Variants in SIPA1L2 observed in about 807,000 individuals in gnomAD.
The protein encoded by SIPA1L2 is signal-induced proliferation-associated 1-like protein 2.
A neutral mutation model predicts 163.9 loss-of-function variants in SIPA1L2; 56 were observed. The observed-to-expected ratio is 0.34, with a 90% CI of 0.28 to 0.43. SIPA1L2 has a LOEUF of 0.43. Ranked by LOEUF, SIPA1L2 falls within the 20% of genes least tolerant of loss-of-function variation. The pLI, the probability that SIPA1L2 is intolerant of heterozygous loss-of-function variation, is 1.00. For missense variants in SIPA1L2, 1,974 were observed against 2,193.5 expected, an observed-to-expected ratio of 0.90 and a Z score of 2.00; for synonymous variants, 877 against 865.7, an observed-to-expected ratio of 1.01 and a Z score of -0.23.
chr1:232,519,280 C>T (rs1408509889), intron 2 of SIPA1L2, among the ~76,000 whole-genome samples: 1 of 152,218 alleles, frequency 6.6e-6, no homozygotes, highest in African/African-American at 2.4e-5. Context: ...AAGGCCCATT[C>T]CCAAACATGG....
At chr1:232,558,463 C>A (rs2102737834) in intron 2 of SIPA1L2, among the ~76,000 whole-genome samples, 1 of 152,334 alleles carries the variant, frequency 6.6e-6, no homozygotes, top group South Asian at 2.1e-4. Flanking sequence ...AGACCTCTGT[C>A]TACCTTCAGG....
chr1:232,605,527 T>C (rs1212755630), intron 1 of SIPA1L2, among the ~76,000 whole-genome samples: 1 of 152,126 alleles, frequency 6.6e-6, no homozygotes, highest in East Asian at 1.9e-4. Context: ...AAACTCTGTC[T>C]CTACTAAAAA....
At chr1:232,598,097 G>C (rs1372026933) in intron 1 of SIPA1L2, among the ~76,000 whole-genome samples, 1 of 152,124 alleles carries the variant, frequency 6.6e-6, no homozygotes, top group Non-Finnish European at 1.5e-5. Context: ...CTTAGTCAAT[G>C]TTCCTTTTAA....
chr1:232,514,636 C>T lies in SIPA1L2; in HGVS notation c.704G>A (p.Arg235His), dbSNP rs767369999. The change falls in exon 3 of 23, where the codon CGC (arginine) becomes CAC (histidine). Residue 235 changes from arginine (R) to histidine (H), a missense_variant. Coordinates refer to ENST00000674635, the MANE Select transcript of SIPA1L2 (RefSeq NM_020808.5). ...GCTCGGAGAGATTGCAGGGTCACAGCGGAAAAATTCAGGGAACCCAAAAGG... is the reference window on the plus strand; with the variant it reads ...GCTCGGAGAGATTGCAGGGTCACAGTGGAAAAATTCAGGGAACCCAAAAGG... ...MVPFGFPEFF[R>H]CDPAISPSLH... The T allele has an allele frequency of 7.4e-6, 12 of 1,614,158 alleles. No homozygotes were observed. The East Asian group carries it at 1.1e-4, about 15-fold the overall frequency.
chr1:232,599,489 C>T (rs989292641), intron 1 of SIPA1L2, among the ~76,000 whole-genome samples: 7 of 152,218 alleles, frequency 4.6e-5, no homozygotes, highest in African/African-American at 1.7e-4. Flanking sequence ...CTTCTGTACG[C>T]TATCAAATCA....
intron 3 of SIPA1L2, among the ~76,000 whole-genome samples, chr1:232,508,043 A>G (rs571528575): frequency 1.3e-5 from 2 of 152,330 alleles, no homozygotes; most frequent in African/African-American, 4.8e-5. Flanking sequence ...TGACATTTAT[A>G]TACCATTTAA....
At chr1:232,534,040 C>G (rs1657151152) in intron 2 of SIPA1L2, among the ~76,000 whole-genome samples, 1 of 151,886 alleles carries the variant, frequency 6.6e-6, no homozygotes. Flanking sequence ...AAAAAACTAT[C>G]CTAAAATTCA....
intron 14 of SIPA1L2, 152 bp from the exon 15 acceptor site, chr1:232,439,648 A>G: frequency 7.1e-6 from 6 of 849,802 alleles, no homozygotes; most frequent in Non-Finnish European, 1.1e-5. Flanking sequence ...CCTTTTTCAA[A>G]AACAACCTGG....
intron 2 of SIPA1L2, among the ~76,000 whole-genome samples, chr1:232,519,534 G>A (rs533645649): frequency 2.0e-5 from 3 of 152,270 alleles, no homozygotes; most frequent in East Asian, 1.9e-4. Context: ...CATATGAAGC[G>A]AGGGCCCACA....
chr1:232,607,413 T>C (rs1257606584), intron 1 of SIPA1L2, among the ~76,000 whole-genome samples: 1 of 152,228 alleles, frequency 6.6e-6, no homozygotes, highest in Non-Finnish European at 1.5e-5. Context: ...TCAAATTTTT[T>C]CCAATTTTTA....
At chr1:232,460,102 G>A (rs1260600353) in intron 10 of SIPA1L2, among the ~76,000 whole-genome samples, 2 of 152,208 alleles carry the variant, frequency 1.3e-5, no homozygotes, top group Non-Finnish European at 2.9e-5. Flanking sequence ...AGGTGCTCTA[G>A]ATACTACCAC....
rs1664471683 is a variant in SIPA1L2 at position 232,465,594 on chromosome 1, T to C, written c.2244-178A>G. ...AACTGGTTTATTCTGCAAGTTCTTG[T>C]TCTCCTAATTGCTGCATACCCAGGG... On this transcript the variant is annotated intron_variant, in intron 8 of 22. Transcript: ENST00000674635. This position sits in a 1 kb window ranked among gnomAD's most constrained non-coding sequence, Gnocchi z 4.1. 6.6e-6 allele frequency among the ~76,000 whole-genome samples: 1 copy of C among 151,944 alleles called. No individual in the cohort carries two copies. Among genetic ancestry groups the C allele is most frequent in the Non-Finnish European group, 1.5e-5 (1 of 68,030 alleles).
chr1:232,621,110 CATG>C (rs1392091458), intron 1 of SIPA1L2, among the ~76,000 whole-genome samples: 1 of 152,320 alleles, frequency 6.6e-6, no homozygotes, highest in Admixed American at 6.5e-5. Flanking sequence ...ATGTTCTCTG[CATG>C]ATCACAGAAG....
At chr1:232,496,017 A>T (rs903182874) in intron 3 of SIPA1L2, among the ~76,000 whole-genome samples, 33 of 152,190 alleles carry the variant, frequency 2.2e-4, no homozygotes, top group African/African-American at 7.0e-4. Context: ...TATTAAGTAA[A>T]TTTTTTTATA....
intron 9 of SIPA1L2, chr1:232,462,367 A>C: frequency 6.6e-7 from 1 of 1,511,162 alleles, no homozygotes; most frequent in Non-Finnish European, 8.8e-7. Context: ...TTTCTATGAA[A>C]CATGCTCTGA....
intron 2 of SIPA1L2, among the ~76,000 whole-genome samples, chr1:232,524,218 A>C (rs766940832): frequency 6.6e-6 from 1 of 152,232 alleles, no homozygotes; most frequent in Non-Finnish European, 1.5e-5. Flanking sequence ...TGAATGAAAG[A>C]GCTTCCTAAT....
intron 1 of SIPA1L2, among the ~76,000 whole-genome samples, chr1:232,600,800 C>T (rs1661556654): frequency 6.6e-6 from 1 of 152,174 alleles, no homozygotes; most frequent in African/African-American, 2.4e-5. Context: ...TCCAGGAAAA[C>T]TCATGGAAGC....
intron 5 of SIPA1L2, among the ~76,000 whole-genome samples, chr1:232,489,057 T>C (rs1665791722): frequency 6.6e-6 from 1 of 152,176 alleles, no homozygotes; most frequent in Non-Finnish European, 1.5e-5. Context: ...CCCTGAGGGC[T>C]TCTGGGGAAC....
At chr1:232,499,842 C>CT (rs1666375342) in intron 3 of SIPA1L2, among the ~76,000 whole-genome samples, 1 of 152,212 alleles carries the variant, frequency 6.6e-6, no homozygotes, top group Admixed American at 6.5e-5. Context: ...CAGCTGGTGG[C>CT]TTTAAGTTGA....
Sources: allele counts gnomAD v4.1 joint callset (sites outside exome capture counted in the v4.1 genomes callset), GRCh38; gene constraint gnomAD v4.1.1; non-coding constraint Gnocchi (gnomAD v3.1); transcripts MANE v1.5; gene names NCBI Gene and HGNC (gene_info 2026-07-23, HGNC 2026-07-21).